The following ACSM4 variants were observed in gnomAD, a reference collection of about 807,000 sequenced individuals.
ACSM4 encodes the protein acyl-CoA synthetase medium chain family member 4.
Under a neutral mutation model 73.0 loss-of-function variants are expected in ACSM4, and 66 were observed. That is an observed-to-expected ratio of 0.90 (90% CI 0.74 to 1.11). ACSM4 has a LOEUF of 1.11. Among genes scored for constraint, ACSM4 ranks in the 50% least tolerant of loss-of-function variants. The pLI is 0.00. For missense variants in ACSM4, 645 were observed against 714.4 expected (o/e 0.90, Z 1.11); for synonymous variants, 222 against 254.0 (o/e 0.87, Z 1.20).
At chr12:7,326,499 C>A (rs927726017) in intron 11 of ACSM4, among the ~76,000 whole-genome samples, 1 of 152,156 alleles carries the variant, frequency 6.6e-6, no homozygotes, top group African/African-American at 2.4e-5. Flanking sequence ...TGTAAGCCAC[C>A]ATGCTCAGCC....
At chr12:7,313,826 G>A (rs770292178) in intron 3 of ACSM4, among the ~76,000 whole-genome samples, 1 of 152,286 alleles carries the variant, frequency 6.6e-6, no homozygotes, top group East Asian at 1.9e-4. Context: ...TCAGAGTGAA[G>A]CCTGGAAGAG....
intron 3 of ACSM4, among the ~76,000 whole-genome samples, chr12:7,315,349 G>A (rs191517823): frequency 1.3e-5 from 2 of 152,250 alleles, no homozygotes; most frequent in East Asian, 1.9e-4. Flanking sequence ...GGTGGCTTAC[G>A]CCTGTAATCC....
chr12:7,305,574 C>G (rs1344967257), intron 1 of ACSM4, among the ~76,000 whole-genome samples: 1 of 152,178 alleles, frequency 6.6e-6, no homozygotes, highest in Non-Finnish European at 1.5e-5. Context: ...AGCTAAGCTA[C>G]TTATCCAAGG....
intron 11 of ACSM4, among the ~76,000 whole-genome samples, chr12:7,326,637 G>A (rs1340143921): frequency 6.6e-6 from 1 of 152,182 alleles, no homozygotes; most frequent in East Asian, 1.9e-4. Context: ...AATGGTATAG[G>A]TTTAATGGAG....
chr12:7,318,796 A>G (rs1230867033), intron 5 of ACSM4, among the ~76,000 whole-genome samples: 1 of 152,204 alleles, frequency 6.6e-6, no homozygotes, highest in Non-Finnish European at 1.5e-5. Context: ...AAATTTATTA[A>G]GTTTAACAAA....
intron 5 of ACSM4, among the ~76,000 whole-genome samples, chr12:7,319,214 A>G (rs1946442133): frequency 6.6e-6 from 1 of 152,162 alleles, no homozygotes; most frequent in African/African-American, 2.4e-5. Context: ...TCACATGCAC[A>G]GTTCACAATA....
chr12:7,315,436 C>T (rs1364217669), intron 3 of ACSM4, among the ~76,000 whole-genome samples: 1 of 151,636 alleles, frequency 6.6e-6, no homozygotes, highest in Non-Finnish European at 1.5e-5. Flanking sequence ...CATGGTAGCA[C>T]CCCATCTGTA....
chr12:7,324,520 A>G lies in ACSM4; in HGVS notation c.1458A>G (p.Glu486=). 1.2e-6 allele frequency: 2 copies of G among 1,613,968 alleles called. No individual in the cohort carries two copies. Among genetic ancestry groups the G allele is most frequent in the Non-Finnish European group, 1.7e-6 (2 of 1,179,874 alleles). ...ISSGYRIGPF[E]VESALIEHPA... ...TCAGGTACCGTATTGGGCCATTTGA[A>G]GTGGAGAGTGCACTCATTGAGCATC... The change falls in exon 11 of 13, where the codon GAA becomes GAG. Residue 486 remains glutamate, a synonymous_variant. Coordinates refer to ENST00000399422, the MANE Select transcript of ACSM4 (RefSeq NM_001080454.2).
At position 7,310,699 on chromosome 12, in the gene ACSM4, G is replaced by A; in HGVS notation, c.573G>A (p.Val191=). ...ECPDLKTKLL[V]SPQSWNGWLS... ...CTGACCTTAAGACAAAACTCCTGGTGTCTCCACAAAGCTGGAATGGGTGGC... is the reference window on the plus strand; with the variant it reads ...CTGACCTTAAGACAAAACTCCTGGTATCTCCACAAAGCTGGAATGGGTGGC... The change falls in exon 3 of 13, where the codon GTG becomes GTA. Residue 191 remains valine, a synonymous_variant. Transcript: ENST00000399422. The A allele has an allele frequency of 1.2e-6, 2 of 1,613,516 alleles. No homozygotes were observed. Among genetic ancestry groups the A allele is most frequent in the Non-Finnish European group, 1.7e-6 (2 of 1,179,722 alleles).
In ACSM4 at chr12:7,306,648, C is replaced by T. The variant is rs777762368; in HGVS notation, c.317C>T (p.Thr106Ile). ...TCCCGAAAAGCTGCCAACGTGCTCA[C>T]CAAGCCCTGTGGCCTGCAGAGAGGA... ...SLSRKAANVL[T>I]KPCGLQRGDR... Residue 106 changes from threonine to isoleucine, a missense_variant, in exon 2 of 13, where the codon ACC (threonine) becomes ATC (isoleucine). Physicochemically the swap from Thr to Ile is moderately conservative, Grantham distance 89 (BLOSUM62 -1). Transcript: ENST00000399422. The T allele has an allele frequency of 2.5e-6, 4 of 1,609,618 alleles. No homozygotes were observed. Among genetic ancestry groups the T allele is most frequent in the East Asian group, 2.2e-5 (1 of 44,630 alleles).
At chr12:7,328,156 T>A in intron 12 of ACSM4, 131 bp from the exon 13 acceptor site, 1 of 614,456 alleles carries the variant, frequency 1.6e-6, no homozygotes, top group Non-Finnish European at 2.7e-6. Flanking sequence ...GTCCATGAAA[T>A]TCAATGAGCT....
At chr12:7,315,305 G>C (rs774330238) in intron 3 of ACSM4, among the ~76,000 whole-genome samples, 1 of 151,882 alleles carries the variant, frequency 6.6e-6, no homozygotes, top group South Asian at 2.1e-4. Flanking sequence ...CCTTCAACCA[G>C]AGAAATTAAA....
chr12:7,317,567 G>C (rs1946430801), intron 4 of ACSM4, among the ~76,000 whole-genome samples: 1 of 152,166 alleles, frequency 6.6e-6, no homozygotes, highest in African/African-American at 2.4e-5. Flanking sequence ...CTTCCTAAAA[G>C]AGAGGCTATC....
At chr12:7,317,984 G>A in intron 4 of ACSM4, 42 bp from the exon 5 acceptor site, 3 of 1,597,308 alleles carry the variant, frequency 1.9e-6, no homozygotes, top group Non-Finnish European at 2.6e-6. Context: ...ATTTTTGTTT[G>A]TTTATTTTTG....
At chr12:7,306,301 A>T (rs746963909) in intron 1 of ACSM4, among the ~76,000 whole-genome samples, 6 of 152,176 alleles carry the variant, frequency 3.9e-5, no homozygotes, top group Non-Finnish European at 8.8e-5. Flanking sequence ...GATTGGCCCA[A>T]CTTTGGTCAA....
In ACSM4 at chr12:7,323,329, T is replaced by C. The variant is rs1456544407; in HGVS notation, c.1206+15T>C. The C allele has an allele frequency of 1.9e-6, 3 of 1,607,168 alleles. No individual in the cohort carries two copies. Among genetic ancestry groups the C allele is most frequent in the Non-Finnish European group, 2.6e-6 (3 of 1,176,040 alleles). Reference sequence around the variant, plus strand: ...ATGATGTCCAGGTAGGTTGAGAAAATATCTGACTGGTTCAGTAAAGGAGAG... The same window carrying C: ...ATGATGTCCAGGTAGGTTGAGAAAACATCTGACTGGTTCAGTAAAGGAGAG... On this transcript the variant is annotated intron_variant, in intron 8 of 12. Transcript: ENST00000399422.
rs371551965 is a variant in ACSM4 at position 7,306,718 on chromosome 12, G to A, written c.387G>A (p.Leu129=). 6.2e-7 allele frequency: 1 copy of A among 1,610,688 alleles called. No individual in the cohort carries two copies. Among genetic ancestry groups the A allele is most frequent in the African/African-American group, 1.3e-5 (1 of 74,940 alleles). The change falls in exon 2 of 13, where the codon CTG becomes CTA. Residue 129 remains leucine, a synonymous_variant. Transcript: ENST00000399422. ...TGCCCAGAATCCCTGAGTGGTGGCT[G>A]GTCAATGTAGCTTGCATACGAACAG... ...VILPRIPEWW[L]VNVACIRTGI...
At chr12:7,320,498 T>C (rs1230500459) in intron 5 of ACSM4, among the ~76,000 whole-genome samples, 2 of 152,254 alleles carry the variant, frequency 1.3e-5, no homozygotes, top group East Asian at 1.9e-4. Context: ...AGATTGTGTA[T>C]GTCTGTTACT....
At position 7,310,645 on chromosome 12, in the gene ACSM4, A is replaced by AGT. The variant is rs762297707; in HGVS notation, c.520_521insTG (p.Ala174ValfsTer52). ...TTGTGGCCAGTGAGGAGGTGGCCCCAGCGGTGGAGTCCATTGTATTGGAGT... is the reference window on the plus strand; with the variant it reads ...TTGTGGCCAGTGAGGAGGTGGCCCCAGTGCGGTGGAGTCCATTGTATTGGAGT... On this transcript the variant is annotated frameshift_variant, in exon 3 of 13. Transcript: ENST00000399422. LOFTEE classifies it high-confidence loss of function. 6.2e-7 allele frequency: 1 copy of AGT among 1,612,284 alleles called. No homozygotes were observed. The highest frequency in any genetic ancestry group is 2.2e-5 in the East Asian group (1 of 44,794).
Sources: allele counts gnomAD v4.1 joint callset (sites outside exome capture counted in the v4.1 genomes callset), GRCh38; gene constraint gnomAD v4.1.1; transcripts MANE v1.5; gene names NCBI Gene and HGNC (gene_info 2026-07-23, HGNC 2026-07-21).